The following ITPKA variants were observed in gnomAD, a reference collection of about 807,000 sequenced individuals.
The protein encoded by ITPKA is IP3 3-kinase A.
A neutral mutation model predicts 40.7 loss-of-function variants in ITPKA; 16 were observed. That is an observed-to-expected ratio of 0.39 (90% CI 0.27 to 0.60). The LOEUF (loss-of-function observed/expected upper bound fraction) is 0.60. Ranked by LOEUF, ITPKA falls within the 20% of genes least tolerant of loss-of-function variation. The pLI, the probability that ITPKA is intolerant of heterozygous loss-of-function variation, is 0.50. For synonymous variants in ITPKA, 313 were observed against 289.9 expected (o/e 1.08, Z -0.81); for missense variants, 540 against 649.3 (o/e 0.83, Z 1.83).
At chr15:41,498,241 G>C (rs911610895) in intron 1 of ITPKA, among the ~76,000 whole-genome samples, 1 of 151,528 alleles carries the variant, frequency 6.6e-6, no homozygotes, top group Non-Finnish European at 1.5e-5. Context: ...TGGAAGTCCA[G>C]GATGCAGTTA....
chr15:41,502,680 C>T (rs144418122), intron 5 of ITPKA, 108 bp from the exon 6 acceptor site: 3 of 1,148,182 alleles, frequency 2.6e-6, no homozygotes, highest in Non-Finnish European at 2.5e-6. Flanking sequence ...GGGTCCTCCT[C>T]CTGGCGGCAT....
chr15:41,500,568 T>A (rs965240505), intron 1 of ITPKA, among the ~76,000 whole-genome samples: 2 of 152,216 alleles, frequency 1.3e-5, no homozygotes, highest in Non-Finnish European at 2.9e-5. Flanking sequence ...ATGGGGGAGC[T>A]GGGCGCCTAT....
chr15:41,502,633 C>G lies in ITPKA; in HGVS notation c.1110+130C>G. The G allele has an allele frequency of 1.3e-5, 12 of 935,536 alleles. No individual in the cohort carries two copies. The South Asian group carries it at 1.9e-4, about 15-fold the overall frequency. 58.0% of individuals were successfully genotyped at this position (935,536 alleles called of 1,614,324 possible). On this transcript the variant is annotated intron_variant, in intron 5 of 6. Coordinates refer to ENST00000260386, the MANE Select transcript of ITPKA (RefSeq NM_002220.3). ...ACCGCGCTGGCTCGCAACTGCTCTA[C>G]GCTCCTTCCCTTCTGGGCCACGCTG...
In ITPKA at chr15:41,500,149, C is replaced by T. The variant is rs553573244; in HGVS notation, c.490-1314C>T. The stretch of plus-strand genomic sequence containing the variant: ...CTAATTTTTGTATTTTTAGTAGAGA[C>T]GGGGTTTCACCATGTTGGCTAGGAT... On this transcript the variant is annotated intron_variant, in intron 1 of 6. Transcript: ENST00000260386. 7.9e-5 allele frequency among the ~76,000 whole-genome samples: 12 copies of T among 152,232 alleles called. No homozygotes were observed. In the East Asian group the frequency reaches 1.9e-3, roughly 24 times the overall value.
rs370205535 is a variant in ITPKA at position 41,503,542 on chromosome 15, A to G, written c.*376A>G. The G allele has an allele frequency of 4.5e-3, 2,566 of 575,854 alleles. 72 individuals carry two copies. The highest frequency in any genetic ancestry group is 0.034 in the South Asian group (2,456 of 72,078). 35.7% of individuals were successfully genotyped at this position (575,854 alleles called of 1,614,324 possible). On this transcript the variant is annotated 3_prime_UTR_variant, in exon 7 of 7. Coordinates refer to ENST00000260386, the MANE Select transcript of ITPKA (RefSeq NM_002220.3). ...CGGACTCCCCTTCCTAATAAAACTC[A>G]AAGACAAGATGCAGCTTCCTGTGCC... is the stretch of plus-strand genomic sequence containing the variant.
At chr15:41,495,437 G>A (rs1416985370) in intron 1 of ITPKA, among the ~76,000 whole-genome samples, 1 of 152,212 alleles carries the variant, frequency 6.6e-6, no homozygotes, top group Non-Finnish European at 1.5e-5. Flanking sequence ...CGCCTGCTCC[G>A]CCGCACAATC....
chr15:41,501,001 T>C (rs1286311984), intron 1 of ITPKA, among the ~76,000 whole-genome samples: 4 of 75,694 alleles, frequency 5.3e-5, no homozygotes, highest in Admixed American at 4.6e-4. Context: ...AGAGCAAGAC[T>C]CCATCTGAAA....
rs912247305 is a variant in ITPKA, at chr15:41,494,602, C to T, written c.489+186C>T. Among the ~76,000 whole-genome samples, 2 of 152,210 alleles carry T rather than the reference C, an allele frequency of 1.3e-5. No homozygotes were observed. Among genetic ancestry groups the T allele is most frequent in the African/African-American group, 4.8e-5 (2 of 41,464 alleles). ...CGACCTCTCGCCTGGGCAACTTTCA[C>T]CTCGGCTCCGCCGGCGGGTCGTGGC... On this transcript the variant is annotated intron_variant, in intron 1 of 6. Coordinates refer to ENST00000260386, the MANE Select transcript of ITPKA (RefSeq NM_002220.3). The surrounding 1 kb of genome is among the most constrained non-coding windows in gnomAD (Gnocchi z 7.8).
chr15:41,494,551 C>A lies in ITPKA; in HGVS notation c.489+135C>A. On this transcript the variant is annotated intron_variant, in intron 1 of 6. Transcript: ENST00000260386. The surrounding 1 kb of genome is among the most constrained non-coding windows in gnomAD (Gnocchi z 7.8). ...CCTGTTCTCGCGGTTTAGGAGGAAT[C>A]TGGGGGTCAGAGGGAGGCGCCTGGC... 1.7e-6 allele frequency: 1 copy of A among 595,356 alleles called. No homozygotes were observed. Among genetic ancestry groups the A allele is most frequent in the Non-Finnish European group, 2.6e-6 (1 of 381,040 alleles). 36.9% of individuals were successfully genotyped at this position (595,356 alleles called of 1,614,324 possible).
Position 41,494,026 on chromosome 15 carries a change from G to A in ITPKA, c.99G>A (p.Glu33=), listed in dbSNP as rs2051051976. The change falls in exon 1 of 7, where the codon GAG becomes GAA. Residue 33 remains glutamate (E), a synonymous_variant. Coordinates refer to ENST00000260386, the MANE Select transcript of ITPKA (RefSeq NM_002220.3). This position sits in a 1 kb window ranked among gnomAD's most constrained non-coding sequence, Gnocchi z 7.8. ...LERAPRRSVG[E]LRLLFEARCA... ...GGGCCCCGCGCCGGAGTGTCGGGGA[G>A]CTGCGCCTGCTCTTCGAGGCGCGCT... is the stretch of plus-strand genomic sequence containing the variant. The A allele has an allele frequency of 2.5e-6, 3 of 1,198,506 alleles. No individual in the cohort carries two copies. The highest frequency in any genetic ancestry group is 9.0e-5 in the Admixed American group (2 of 22,292). The allele number at this position is 1,198,506 out of a possible 1,614,324, so 74.2% of individuals were successfully genotyped here. A position where few individuals can be genotyped will look rare whatever the true frequency, so the allele number is the denominator to read the frequency against.
rs529031987 is a variant in ITPKA, at chr15:41,499,871, C to A, written c.490-1592C>A. ...AGAGATAAGGGGCACACCAAAAAAA[C>A]AAAAACAAAAAACAAAAAACAAAAA... On this transcript the variant is annotated intron_variant, in intron 1 of 6. Coordinates refer to ENST00000260386, the MANE Select transcript of ITPKA (RefSeq NM_002220.3). Among the ~76,000 whole-genome samples the A allele has an allele frequency of 5.9e-5, 9 of 152,206 alleles. No individual in the cohort carries two copies. The East Asian group carries it at 1.7e-3, about 29-fold the overall frequency.
intron 1 of ITPKA, among the ~76,000 whole-genome samples, chr15:41,495,217 C>T (rs1309497691): frequency 6.6e-6 from 1 of 152,226 alleles, no homozygotes; most frequent in East Asian, 1.9e-4. Context: ...GTGCGGCTCC[C>T]GGGACACCCT....
chr15:41,494,118 G>T lies in ITPKA; in HGVS notation c.191G>T (p.Gly64Val). ...GCCCGCGGGGCCAAGCGGCGTGGGGGACAGGTCCCCAACGGGCTTCCGCGG... is the reference window on the plus strand; with the variant it reads ...GCCCGCGGGGCCAAGCGGCGTGGGGTACAGGTCCCCAACGGGCTTCCGCGG... The part of the protein sequence containing the change: ...PRARGAKRRG[G>V]QVPNGLPRAP... The change falls in exon 1 of 7, where the codon GGA (glycine) becomes GTA (valine). Residue 64 changes from glycine (G) to valine (V), a missense_variant. Physicochemically the swap from Gly to Val is moderately radical, Grantham distance 109. Transcript: ENST00000260386. The surrounding 1 kb of genome is among the most constrained non-coding windows in gnomAD (Gnocchi z 7.8). The T allele has an allele frequency of 7.1e-7, 1 of 1,403,176 alleles. No homozygotes were observed. The highest frequency in any genetic ancestry group is 9.3e-7 in the Non-Finnish European group (1 of 1,077,406). The allele number at this position is 1,403,176 out of a possible 1,614,324, so 86.9% of individuals were successfully genotyped here.
Position 41,494,564 on chromosome 15 carries a change from G to A in ITPKA, c.489+148G>A, listed in dbSNP as rs1400053573. 10 of 540,112 alleles carry A rather than the reference G, an allele frequency of 1.9e-5. No homozygotes were observed. In the East Asian group the frequency reaches 2.8e-4, roughly 15 times the overall value. 33.5% of individuals were successfully genotyped at this position (540,112 alleles called of 1,614,324 possible). A position where few individuals can be genotyped will look rare whatever the true frequency, so the allele number is the denominator to read the frequency against. On this transcript the variant is annotated intron_variant, in intron 1 of 6. Transcript: ENST00000260386. This position sits in a 1 kb window ranked among gnomAD's most constrained non-coding sequence, Gnocchi z 7.8. ...TTTAGGAGGAATCTGGGGGTCAGAGGGAGGCGCCTGGCCGACCTCTCGCCT... is the reference window on the plus strand; with the variant it reads ...TTTAGGAGGAATCTGGGGGTCAGAGAGAGGCGCCTGGCCGACCTCTCGCCT...
At position 41,494,113 on chromosome 15, in the gene ITPKA, TG is replaced by T; in HGVS notation, c.191del (p.Gly64AspfsTer15). 7.4e-7 allele frequency: 1 copy of T among 1,359,136 alleles called. No individual in the cohort carries two copies. The highest frequency in any genetic ancestry group is 9.5e-7 in the Non-Finnish European group (1 of 1,054,884). 84.2% of individuals were successfully genotyped at this position (1,359,136 alleles called of 1,614,324 possible). ...EPRARGAKRR[G>X]GQVPNGLPRA... The stretch of plus-strand genomic sequence containing the variant: ...CCCGGGCCCGCGGGGCCAAGCGGCG[TG>T]GGGGACAGGTCCCCAACGGGCTTCC... On this transcript the variant is annotated frameshift_variant, in exon 1 of 7. Coordinates refer to ENST00000260386, the MANE Select transcript of ITPKA (RefSeq NM_002220.3). LOFTEE classifies it high-confidence loss of function. This position sits in a 1 kb window ranked among gnomAD's most constrained non-coding sequence, Gnocchi z 7.8.
chr15:41,495,821 C>T (rs560230256), intron 1 of ITPKA, among the ~76,000 whole-genome samples: 1 of 152,358 alleles, frequency 6.6e-6, no homozygotes, highest in African/African-American at 2.4e-5. Flanking sequence ...GGCGAAAGGG[C>T]GCGAAGCGCG....
chr15:41,501,272 T>C (rs1321415894), intron 1 of ITPKA, 191 bp from the exon 2 acceptor site: 1 of 977,222 alleles, frequency 1.0e-6, no homozygotes, highest in African/African-American at 1.8e-5. Context: ...TCACCTTCAC[T>C]GCGCCTGTAT....
Position 41,497,517 on chromosome 15 carries a change from C to T in ITPKA, c.489+3101C>T, listed in dbSNP as rs550196454. Among the ~76,000 whole-genome samples, 6 of 152,276 alleles carry T rather than the reference C, an allele frequency of 3.9e-5. No individual in the cohort carries two copies. In the South Asian group the frequency reaches 8.3e-4, roughly 21 times the overall value. On this transcript the variant is annotated intron_variant, in intron 1 of 6. Transcript: ENST00000260386. ...TGCTGAGATTACAGGTGTCAGCCAC[C>T]GCGCCTGGGCTTACATTCATTTTTA...
At chr15:41,500,494 G>A (rs985384118) in intron 1 of ITPKA, among the ~76,000 whole-genome samples, 1 of 152,174 alleles carries the variant, frequency 6.6e-6, no homozygotes, top group African/African-American at 2.4e-5. Context: ...GAGGAACCAA[G>A]GTCCTGAGTG....
Sources: gnomAD v4.1 joint callset for allele counts (sites outside exome capture counted in the v4.1 genomes callset) on GRCh38, gnomAD v4.1.1 for gene constraint, Gnocchi (gnomAD v3.1) non-coding constraint, MANE v1.5 for transcripts, NCBI Gene and HGNC (gene_info 2026-07-23, HGNC 2026-07-21) for gene names.